Variants in MTMR10 observed in about 807,000 individuals in gnomAD.
MTMR10 encodes myotubularin-related protein 10.
Under a neutral mutation model 88.1 loss-of-function variants are expected in MTMR10, and 56 were observed. The ratio of observed to expected loss-of-function variants is 0.64; its 90% CI spans 0.51 to 0.79. The LOEUF (loss-of-function observed/expected upper bound fraction) is 0.79, where lower values mean the gene tolerates loss of function less well. MTMR10 is among the 30% of genes least tolerant of loss of function. The pLI is 0.00. For missense variants in MTMR10, 883 were observed against 924.7 expected, an observed-to-expected ratio of 0.95 and a Z score of 0.58; for synonymous variants, 380 against 340.9, an observed-to-expected ratio of 1.11 and a Z score of -1.26.
At chr15:30,926,655 G>A in the MTMR10 span, 6 of 978,580 alleles carry the variant, frequency 6.1e-6, no homozygotes, top group Non-Finnish European at 7.2e-6. Flanking sequence ...AGTGAAGACA[G>A]AGAGATACAG....
chr15:30,925,193 T>A, the MTMR10 span: 1 of 1,614,008 alleles, frequency 6.2e-7, no homozygotes, highest in African/African-American at 1.3e-5. Context: ...CCTTTCACTG[T>A]ATCAGCGAGC....
At chr15:30,928,183 C>T in the MTMR10 span, 1 of 1,012,886 alleles carries the variant, frequency 9.9e-7, no homozygotes, top group Non-Finnish European at 1.2e-6. Flanking sequence ...GGATTCTGTG[C>T]CAGCCCAGCC....
chr15:30,941,197 G>C lies in MTMR10; in HGVS notation c.*273C>G. 10 of 1,357,402 alleles carry C rather than the reference G, an allele frequency of 7.4e-6. No homozygotes were observed. Among genetic ancestry groups the C allele is most frequent in the Non-Finnish European group, 9.7e-6 (10 of 1,034,000 alleles). 84.1% of individuals were successfully genotyped at this position (1,357,402 alleles called of 1,614,324 possible). ...CAGGAGGTGGTAGGAAAAATGGATG[G>C]AGACAAAAATGTAGCAGACAACATG... On this transcript the variant is annotated 3_prime_UTR_variant, in exon 16 of 16. Transcript: ENST00000435680.
intron 5 of MTMR10, among the ~76,000 whole-genome samples, chr15:30,971,613 A>C (rs2063538915): frequency 1.3e-5 from 2 of 152,202 alleles, no homozygotes; most frequent in African/African-American, 4.8e-5. Context: ...TCAGAGAACA[A>C]AGTGGAGACA....
At position 30,941,607 on chromosome 15, in the gene MTMR10, C is replaced by A; in HGVS notation, c.2197G>T (p.Glu733Ter). ...AATGGAAATGAGGAGGAGAGAAACT[C>A]CGGTGTCCCCGAGGTGTCGGTGTGG... is the stretch of plus-strand genomic sequence containing the variant. ...PHHTDTSGTP[E>*]FLSSSFPFSP... Residue 733 changes from glutamate (E) to a stop codon, truncating the protein, a stop_gained, in exon 16 of 16, where the codon GAG becomes TAG. Coordinates refer to ENST00000435680, the MANE Select transcript of MTMR10 (RefSeq NM_017762.3). LOFTEE classifies it high-confidence loss of function. The A allele has an allele frequency of 6.2e-7, 1 of 1,600,162 alleles. No individual in the cohort carries two copies. The highest frequency in any genetic ancestry group is 8.5e-7 in the Non-Finnish European group (1 of 1,172,910).
In MTMR10 at chr15:30,960,876, C is replaced by T. The variant is rs1190102164; in HGVS notation, c.758+5G>A. Reference sequence around the variant, plus strand: ...CATATATAACATTGCTAAAATTGTACTTACCAAGTGGATATCATGTAACCC... The same window carrying T: ...CATATATAACATTGCTAAAATTGTATTTACCAAGTGGATATCATGTAACCC... On this transcript the variant is annotated splice_donor_5th_base_variant and intron_variant, in intron 7 of 15. Coordinates refer to ENST00000435680, the MANE Select transcript of MTMR10 (RefSeq NM_017762.3). The T allele has an allele frequency of 1.3e-6, 2 of 1,582,408 alleles. No homozygotes were observed. Among genetic ancestry groups the T allele is most frequent in the South Asian group, 1.1e-5 (1 of 88,122 alleles).
chr15:30,969,593 A>G (rs888196142), intron 5 of MTMR10, among the ~76,000 whole-genome samples: 1 of 152,114 alleles, frequency 6.6e-6, no homozygotes, highest in African/African-American at 2.4e-5. Flanking sequence ...CACCTCTGAG[A>G]GCTTCCTTAC....
chr15:30,919,782 CTTG>C, the MTMR10 span, among the ~76,000 whole-genome samples: 1 of 151,938 alleles, frequency 6.6e-6, no homozygotes, highest in Non-Finnish European at 1.5e-5. Context: ...GGTCTTCATC[CTTG>C]TTGTCTTTAC....
At position 30,974,787 on chromosome 15, in the gene MTMR10, T is replaced by C. The variant is rs1040390430; in HGVS notation, c.331+144A>G. On this transcript the variant is annotated intron_variant, in intron 4 of 15. Transcript: ENST00000435680. The stretch of plus-strand genomic sequence containing the variant: ...AAAATAATTTATTAACATATCCCTC[T>C]TTATGTTCCCGGGACTCAAAAAAAC... The C allele has an allele frequency of 7.6e-6, 4 of 525,328 alleles. No individual in the cohort carries two copies. The African/African-American group carries it at 7.8e-5, about 10-fold the overall frequency. 32.5% of individuals were successfully genotyped at this position (525,328 alleles called of 1,614,324 possible). A position where few individuals can be genotyped will look rare whatever the true frequency, so the allele number is the denominator to read the frequency against.
chr15:30,924,053 T>C, the MTMR10 span, among the ~76,000 whole-genome samples: 8 of 152,342 alleles, frequency 5.3e-5, no homozygotes, highest in South Asian at 1.7e-3. Flanking sequence ...TGTCTGTAAA[T>C]GTGCCTGTTC....
intron 2 of MTMR10, among the ~76,000 whole-genome samples, chr15:30,984,737 T>C (rs1174763704): frequency 6.6e-6 from 1 of 152,174 alleles, no homozygotes; most frequent in Non-Finnish European, 1.5e-5. Context: ...ATAGTTAATC[T>C]CAAGAATGAA....
intron 10 of MTMR10, 130 bp from the exon 11 acceptor site, chr15:30,953,761 TA>T: frequency 3.3e-6 from 2 of 606,686 alleles, no homozygotes; most frequent in Non-Finnish European, 5.7e-6. Context: ...TTCACTTTAA[TA>T]ACATGGAATA....
intron 3 of MTMR10, among the ~76,000 whole-genome samples, chr15:30,975,748 TAGTG>T (rs765640199): frequency 1.3e-5 from 2 of 152,178 alleles, no homozygotes; most frequent in Non-Finnish European, 1.5e-5. Context: ...TATGGTAAAT[TAGTG>T]AGTGACTACA....
chr15:30,962,729 C>T (rs889842777), intron 6 of MTMR10, among the ~76,000 whole-genome samples: 19 of 152,296 alleles, frequency 1.2e-4, no homozygotes, highest in African/African-American at 4.6e-4. Flanking sequence ...AAGATTTTAT[C>T]TCTATCTTGA....
the MTMR10 span, among the ~76,000 whole-genome samples, chr15:30,930,259 T>C: frequency 6.6e-6 from 1 of 151,720 alleles, no homozygotes; most frequent in Non-Finnish European, 1.5e-5. Flanking sequence ...CGTTCCTGAG[T>C]GCATCCTCCA....
At chr15:30,936,556 A>T (rs1595890038), downstream of MTMR10, among the ~76,000 whole-genome samples, 1 of 152,372 alleles carries the variant, frequency 6.6e-6, no homozygotes, top group East Asian at 1.9e-4. Context: ...GTTTCTACAG[A>T]ATAGAAGAAT....
At chr15:30,928,363 T>A in the MTMR10 span, 2 of 1,399,354 alleles carry the variant, frequency 1.4e-6, no homozygotes, top group African/African-American at 2.9e-5. Context: ...GCTCTGTATA[T>A]AAACAACATA....
chr15:30,959,172 G>A, intron 7 of MTMR10, 51 bp from the exon 8 acceptor site: 1 of 1,445,674 alleles, frequency 6.9e-7, no homozygotes, highest in South Asian at 1.2e-5. Context: ...AGCAGGAATA[G>A]TGTGCTCCTG....
intron 3 of MTMR10, among the ~76,000 whole-genome samples, chr15:30,975,345 C>T (rs2030043386): frequency 6.6e-6 from 1 of 152,134 alleles, no homozygotes; most frequent in Non-Finnish European, 1.5e-5. Context: ...GATTTTCACA[C>T]TGAAGATTTT....
Sources: gnomAD v4.1 joint callset for allele counts (sites outside exome capture counted in the v4.1 genomes callset) on GRCh38, gnomAD v4.1.1 for gene constraint, MANE v1.5 for transcripts, NCBI Gene and HGNC (gene_info 2026-07-23, HGNC 2026-07-21) for gene names.